Variants in LYRM7 observed in about 807,000 individuals in gnomAD.
LYRM7 encodes the protein complex III assembly factor LYRM7.
Under a neutral mutation model 15.8 loss-of-function variants are expected in LYRM7, and 9 were observed. The observed-to-expected ratio is 0.57, with a 90% CI of 0.34 to 0.99. LYRM7 has a LOEUF of 0.99. Among genes scored for constraint, LYRM7 ranks in the 50% least tolerant of loss-of-function variants. The probability of loss-of-function intolerance (pLI) is 0.02; values close to 1 mark genes in which losing one functional copy is unlikely to be tolerated. For missense variants in LYRM7, 115 were observed against 119.1 expected, an observed-to-expected ratio of 0.97 and a Z score of 0.16; for synonymous variants, 39 against 39.4, an observed-to-expected ratio of 0.99 and a Z score of 0.04.
At position 131,203,947 on chromosome 5, in the gene LYRM7, GAA is replaced by G. The variant is rs1349269285; in HGVS notation, c.*4348_*4349del. 1 of 152,182 alleles carries G rather than the reference GAA, an allele frequency of 6.6e-6. No individual in the cohort carries two copies. Among genetic ancestry groups the G allele is most frequent in the Non-Finnish European group, 1.5e-5 (1 of 68,020 alleles). The allele number at this position is 152,182 out of a possible 1,614,324, so 9.4% of individuals were successfully genotyped here. ...AAATACTAAGTCTCTAGTGATGAGAGAAATGTAAATTAAAATGAAACATGTTT... is the reference window on the plus strand; with the variant it reads ...AAATACTAAGTCTCTAGTGATGAGAGATGTAAATTAAAATGAAACATGTTT... On this transcript the variant is annotated 3_prime_UTR_variant, in exon 5 of 5. Coordinates refer to ENST00000379380, the MANE Select transcript of LYRM7 (RefSeq NM_181705.4).
chr5:131,178,635 T>G (rs1755636247), intron 1 of LYRM7, among the ~76,000 whole-genome samples: 3 of 152,180 alleles, frequency 2.0e-5, no homozygotes, highest in Admixed American at 6.6e-5. Flanking sequence ...AGAATATTCA[T>G]AAGTCTCAAC....
At chr5:131,172,631 A>C (rs1477031292) in intron 1 of LYRM7, among the ~76,000 whole-genome samples, 1 of 152,222 alleles carries the variant, frequency 6.6e-6, no homozygotes, top group Non-Finnish European at 1.5e-5. Flanking sequence ...TATAGAAGGC[A>C]CTTATGCTAC....
chr5:131,175,264 A>G (rs1264069982), intron 1 of LYRM7, among the ~76,000 whole-genome samples: 2 of 150,056 alleles, frequency 1.3e-5, no homozygotes, highest in East Asian at 3.9e-4. Flanking sequence ...CAGTGGCGCA[A>G]TCTCGGCTCA....
At chr5:131,175,495 A>G (rs879795822) in intron 1 of LYRM7, among the ~76,000 whole-genome samples, 5 of 151,978 alleles carry the variant, frequency 3.3e-5, no homozygotes, top group African/African-American at 4.8e-5. Flanking sequence ...AACATGAGCA[A>G]CCACGCTCGG....
chr5:131,194,204 A>C (rs1191215122), intron 4 of LYRM7, among the ~76,000 whole-genome samples: 9 of 152,204 alleles, frequency 5.9e-5, no homozygotes. Context: ...GGGATTTTAC[A>C]ATCTATAAGA....
intron 3 of LYRM7, among the ~76,000 whole-genome samples, chr5:131,184,517 T>C (rs1024444076): frequency 4.6e-5 from 7 of 152,254 alleles, no homozygotes. Context: ...TATTTTTTAA[T>C]ACTACGCCTT....
intron 1 of LYRM7, among the ~76,000 whole-genome samples, chr5:131,178,682 GC>G (rs1425135116): frequency 1.1e-4 from 17 of 152,028 alleles, no homozygotes; most frequent in African/African-American, 4.1e-4. Flanking sequence ...AATTAAAAGG[GC>G]CAGACGTAGT....
At chr5:131,178,535 C>T (rs1290565974) in intron 1 of LYRM7, among the ~76,000 whole-genome samples, 1 of 152,056 alleles carries the variant, frequency 6.6e-6, no homozygotes, top group Non-Finnish European at 1.5e-5. Context: ...GTGAAGTGAC[C>T]TCAGCATATC....
intron 3 of LYRM7, among the ~76,000 whole-genome samples, chr5:131,186,411 G>A (rs1755795517): frequency 6.6e-6 from 1 of 152,162 alleles, no homozygotes; most frequent in Admixed American, 6.5e-5. Context: ...GCATATCTGA[G>A]CTTTCTATAC....
intron 4 of LYRM7, among the ~76,000 whole-genome samples, chr5:131,197,541 CTTTTT>C (rs60003952): frequency 2.2e-5 from 2 of 90,748 alleles, no homozygotes; most frequent in Non-Finnish European, 4.0e-5. Context: ...TGTCTTCTGT[CTTTTT>C]TTTTTTTTTT....
chr5:131,184,062 TG>T, intron 3 of LYRM7, among the ~76,000 whole-genome samples: 1 of 152,022 alleles, frequency 6.6e-6, no homozygotes, highest in East Asian at 1.9e-4. Flanking sequence ...CCTCCACCTC[TG>T]GGTTCAAGCA....
At chr5:131,195,924 G>T (rs1755955608) in intron 4 of LYRM7, among the ~76,000 whole-genome samples, 1 of 152,092 alleles carries the variant, frequency 6.6e-6, no homozygotes, top group Non-Finnish European at 1.5e-5. Context: ...ATGAGGCTCA[G>T]CAGGACCTAA....
chr5:131,193,242 A>G (rs890245269), intron 4 of LYRM7, among the ~76,000 whole-genome samples: 12 of 152,250 alleles, frequency 7.9e-5, no homozygotes, highest in Non-Finnish European at 1.5e-5. Flanking sequence ...GTGACTCAAC[A>G]AACATTGAAT....
At chr5:131,196,063 G>T (rs1275594432) in intron 4 of LYRM7, among the ~76,000 whole-genome samples, 5 of 151,982 alleles carry the variant, frequency 3.3e-5, no homozygotes, top group Non-Finnish European at 5.9e-5. Context: ...TAGCCAAAGG[G>T]GTTGTGCTTG....
intron 4 of LYRM7, among the ~76,000 whole-genome samples, chr5:131,195,418 C>T (rs1755948673): frequency 6.6e-6 from 1 of 152,102 alleles, no homozygotes; most frequent in Non-Finnish European, 1.5e-5. Context: ...TTAAGAGTCC[C>T]ATAATTTAGA....
At chr5:131,181,476 T>TAA (rs561965980) in intron 2 of LYRM7, among the ~76,000 whole-genome samples, 4 of 128,408 alleles carry the variant, frequency 3.1e-5, no homozygotes, top group African/African-American at 9.1e-5. Context: ...TATATATATA[T>TAA]AACATATATA....
intron 1 of LYRM7, among the ~76,000 whole-genome samples, chr5:131,175,177 A>T (rs1226865827): frequency 1.3e-5 from 2 of 151,262 alleles, no homozygotes; most frequent in African/African-American, 4.9e-5. Context: ...GCTTCAACTC[A>T]AAGTCACCAG....
At position 131,205,370 on chromosome 5, in the gene LYRM7, A is replaced by G. The variant is rs1187738746; in HGVS notation, c.*5769A>G. On this transcript the variant is annotated 3_prime_UTR_variant, in exon 5 of 5. Transcript: ENST00000379380. Reference sequence around the variant, plus strand: ...TTTAGCCATAATTTGGCATGAATTCAGGTCTTTTAAGTTTTATTCCATTGT... The same window carrying G: ...TTTAGCCATAATTTGGCATGAATTCGGGTCTTTTAAGTTTTATTCCATTGT... The G allele has an allele frequency of 6.6e-6, 1 of 152,330 alleles. No individual in the cohort carries two copies. Among genetic ancestry groups the G allele is most frequent in the South Asian group, 2.1e-4 (1 of 4,832 alleles). 9.4% of individuals were successfully genotyped at this position (152,330 alleles called of 1,614,324 possible).
intron 3 of LYRM7, among the ~76,000 whole-genome samples, chr5:131,183,857 CA>C (rs1755750308): frequency 6.6e-6 from 1 of 151,958 alleles, no homozygotes; most frequent in Non-Finnish European, 1.5e-5. Context: ...TTGATTAATT[CA>C]TTTTAAAATA....
Sources: gnomAD v4.1 joint callset for allele counts (sites outside exome capture counted in the v4.1 genomes callset) on GRCh38, gnomAD v4.1.1 for gene constraint, MANE v1.5 for transcripts, NCBI Gene and HGNC (gene_info 2026-07-23, HGNC 2026-07-21) for gene names.